Variants in ZNF234 observed in about 807,000 individuals in gnomAD.
ZNF234 encodes zinc finger protein 234.
A neutral mutation model predicts 10.3 loss-of-function variants in ZNF234; 4 were observed. The ratio of observed to expected loss-of-function variants is 0.39; its 90% CI spans 0.19 to 0.89. ZNF234 has a LOEUF of 0.89. Ranked by LOEUF, ZNF234 falls within the 40% of genes least tolerant of loss-of-function variation. The probability of loss-of-function intolerance (pLI) is 0.38; values close to 1 mark genes in which losing one functional copy is unlikely to be tolerated. For synonymous variants in ZNF234, 258 were observed against 280.1 expected, an observed-to-expected ratio of 0.92 and a Z score of 0.79; for missense variants, 711 against 836.1, an observed-to-expected ratio of 0.85 and a Z score of 1.85.
chr19:44,157,328 C>T lies in ZNF234; in HGVS notation c.1312C>T (p.Arg438Cys), dbSNP rs1050998717. Residue 438 changes from arginine (R) to cysteine (C), a missense_variant, in exon 6 of 6, where the codon CGT becomes TGT. Physicochemically the swap from Arg to Cys is radical, Grantham distance 180. Coordinates refer to ENST00000426739, the MANE Select transcript of ZNF234 (RefSeq NM_006630.3). ...ATGTGAAGTATGTGGTAAAGCCTTC[C>T]GTCAGAGTTCATATCTTAAAATCCA... Reference protein sequence around the residue: ...YKCEVCGKAFRQSSYLKIHLK... With the variant: ...YKCEVCGKAFCQSSYLKIHLK... The T allele has an allele frequency of 8.1e-6, 13 of 1,613,288 alleles. No homozygotes were observed. Among genetic ancestry groups the T allele is most frequent in the Non-Finnish European group, 7.6e-6 (9 of 1,179,688 alleles).
chr19:44,157,995 G>T lies in ZNF234; in HGVS notation c.1979G>T (p.Arg660Met), dbSNP rs1211071078. 14 of 1,613,972 alleles carry T rather than the reference G, an allele frequency of 8.7e-6. No individual in the cohort carries two copies. The highest frequency in any genetic ancestry group is 1.1e-5 in the Non-Finnish European group (13 of 1,179,896). Residue 660 changes from arginine (R) to methionine (M), a missense_variant, in exon 6 of 6, where the codon AGG (arginine) becomes ATG (methionine). Coordinates refer to ENST00000426739, the MANE Select transcript of ZNF234 (RefSeq NM_006630.3). ...TACAAATGTGAGATATGTGGTAAGA[G>T]GTTCAGCTGGCGATCAAATCTTGTA... ...KPYKCEICGK[R>M]FSWRSNLVSH...
chr19:44,148,986 T>C, intron 4 of ZNF234, 89 bp downstream of exon 4: 3 of 1,466,872 alleles, frequency 2.0e-6, no homozygotes, highest in Non-Finnish European at 2.7e-6. Context: ...GGTCTTGAAT[T>C]AGTCGCCTAC....
At chr19:44,152,430 T>G (rs1968765080) in intron 5 of ZNF234, among the ~76,000 whole-genome samples, 1 of 152,198 alleles carries the variant, frequency 6.6e-6, no homozygotes, top group South Asian at 2.1e-4. Context: ...CCAAAATGAA[T>G]GAAGGGGGTT....
intron 5 of ZNF234, among the ~76,000 whole-genome samples, chr19:44,154,628 CTTTTTTT>C (rs779013573): frequency 1.3e-4 from 13 of 102,450 alleles, no homozygotes; most frequent in East Asian, 5.9e-4. Flanking sequence ...TTCTCTTTTT[CTTTTTTT>C]TTTTTTTTTT....
chr19:44,151,047 A>T (rs1309435826), intron 5 of ZNF234, among the ~76,000 whole-genome samples: 2 of 147,420 alleles, frequency 1.4e-5, no homozygotes, highest in Non-Finnish European at 3.0e-5. Flanking sequence ...AAAAAAAAAT[A>T]CTCTGAATGG....
At position 44,142,695 on chromosome 19, in the gene ZNF234, C is replaced by T. The variant is rs904651706; in HGVS notation, c.-77+328C>T. 3.3e-5 allele frequency among the ~76,000 whole-genome samples: 5 copies of T among 152,158 alleles called. No homozygotes were observed. In the South Asian group the frequency reaches 6.2e-4, roughly 19 times the overall value. The stretch of plus-strand genomic sequence containing the variant: ...GAACTTGATTAAAGGACCTTAAGAG[C>T]AAGGCTAATTGCCTTGGAGTTTTCT... On this transcript the variant is annotated intron_variant, in intron 2 of 5. Transcript: ENST00000426739.
Position 44,148,728 on chromosome 19 carries a change from A to T in ZNF234, c.16-43A>T, listed in dbSNP as rs781575396. The T allele has an allele frequency of 7.5e-6, 12 of 1,610,322 alleles. No homozygotes were observed. The African/African-American group carries it at 1.5e-4, about 20-fold the overall frequency. ...TTTCTCAGTGCTGTTTCTTTTCAAGAGTTTGTTAAAAAGGCTGAAGTAAGG... is the reference window on the plus strand; with the variant it reads ...TTTCTCAGTGCTGTTTCTTTTCAAGTGTTTGTTAAAAAGGCTGAAGTAAGG... On this transcript the variant is annotated intron_variant, in intron 3 of 5. Transcript: ENST00000426739.
Position 44,159,072 on chromosome 19 carries a change from C to T in ZNF234, c.*953C>T, listed in dbSNP as rs915792451. ...ATATTAATATGATATTACTCTTTTA[C>T]AGTTGACACCTGTCCTCTCTGTAGT... On this transcript the variant is annotated 3_prime_UTR_variant, in exon 6 of 6. Transcript: ENST00000426739. 7.9e-5 allele frequency: 12 copies of T among 152,238 alleles called. No homozygotes were observed. The highest frequency in any genetic ancestry group is 2.0e-4 in the Admixed American group (3 of 15,282). The allele number at this position is 152,238 out of a possible 1,614,324, so 9.4% of individuals were successfully genotyped here. A position where few individuals can be genotyped will look rare whatever the true frequency, so the allele number is the denominator to read the frequency against.
At chr19:44,153,191 T>TATATATATATATATAC (rs1968791534) in intron 5 of ZNF234, among the ~76,000 whole-genome samples, 1 of 144,806 alleles carries the variant, frequency 6.9e-6, no homozygotes, top group South Asian at 2.2e-4. Context: ...TATATATATA[T>TATATATATATATATAC]GCGCCAAGAG....
At chr19:44,151,777 A>G (rs996831442) in intron 5 of ZNF234, among the ~76,000 whole-genome samples, 1 of 152,006 alleles carries the variant, frequency 6.6e-6, no homozygotes, top group Non-Finnish European at 1.5e-5. Flanking sequence ...CTATAGTTGC[A>G]TTTCCCTTTT....
At chr19:44,149,008 T>C (rs1968669985) in intron 4 of ZNF234, 111 bp downstream of exon 4, 2 of 1,309,646 alleles carry the variant, frequency 1.5e-6, no homozygotes, top group Non-Finnish European at 2.1e-6. Context: ...TTTGTAGACC[T>C]GACTTTCCTA....
At chr19:44,146,621 A>G (rs144169951) in intron 3 of ZNF234, among the ~76,000 whole-genome samples, 1 of 152,284 alleles carries the variant, frequency 6.6e-6, no homozygotes, top group East Asian at 1.9e-4. Context: ...TGGGGCAAAA[A>G]TATTTACCAC....
rs1229760462 is a variant in ZNF234 at position 44,158,013 on chromosome 19, A to G, written c.1997A>G (p.Asn666Ser). Residue 666 changes from asparagine to serine, a missense_variant, in exon 6 of 6, where the codon AAT (asparagine) becomes AGT (serine). Coordinates refer to ENST00000426739, the MANE Select transcript of ZNF234 (RefSeq NM_006630.3). ...GGTAAGAGGTTCAGCTGGCGATCAA[A>G]TCTTGTAAGTCATCACAAAATTCAT... ...ICGKRFSWRS[N>S]LVSHHKIHAA... 2 of 1,613,836 alleles carry G rather than the reference A, an allele frequency of 1.2e-6. No homozygotes were observed. Among genetic ancestry groups the G allele is most frequent in the Admixed American group, 1.7e-5 (1 of 59,996 alleles).
chr19:44,145,235 T>C (rs953933326), intron 3 of ZNF234, among the ~76,000 whole-genome samples: 4 of 152,234 alleles, frequency 2.6e-5, no homozygotes, highest in Admixed American at 2.6e-4. Context: ...ATTCATGATA[T>C]ATATCTCATT....
chr19:44,149,485 T>C (rs1285959693), intron 4 of ZNF234, among the ~76,000 whole-genome samples: 1 of 152,160 alleles, frequency 6.6e-6, no homozygotes, highest in Non-Finnish European at 1.5e-5. Context: ...ATTTTAGTAA[T>C]GCACCAAGAT....
chr19:44,154,567 T>A (rs1276514666), intron 5 of ZNF234, among the ~76,000 whole-genome samples: 1 of 151,918 alleles, frequency 6.6e-6, no homozygotes. Flanking sequence ...CAGAGTTATA[T>A]AGACACCATT....
At position 44,142,656 on chromosome 19, in the gene ZNF234, G is replaced by A. The variant is rs1968494447; in HGVS notation, c.-77+289G>A. ...CAGAGGAACTAGCTGTACTCAGGTG[G>A]GGAAAGTAAGTTAGAACTTGATTAA... On this transcript the variant is annotated intron_variant, in intron 2 of 5. Coordinates refer to ENST00000426739, the MANE Select transcript of ZNF234 (RefSeq NM_006630.3). Among the ~76,000 whole-genome samples the A allele has an allele frequency of 2.0e-5, 3 of 152,268 alleles. No homozygotes were observed. In the South Asian group the frequency reaches 6.2e-4, roughly 32 times the overall value.
chr19:44,145,660 G>A (rs749018701), intron 3 of ZNF234, among the ~76,000 whole-genome samples: 56 of 152,186 alleles, frequency 3.7e-4, no homozygotes, highest in Admixed American at 3.3e-3. Context: ...CCAAAGTGCC[G>A]GGATTACAGG....
intron 5 of ZNF234, among the ~76,000 whole-genome samples, chr19:44,152,541 G>T (rs1261332610): frequency 6.6e-6 from 1 of 152,186 alleles, no homozygotes; most frequent in East Asian, 1.9e-4. Flanking sequence ...CTCATACCAT[G>T]AAAACTTACA....
Sources: allele counts gnomAD v4.1 joint callset (sites outside exome capture counted in the v4.1 genomes callset), GRCh38; gene constraint gnomAD v4.1.1; transcripts MANE v1.5; gene names NCBI Gene and HGNC (gene_info 2026-07-23, HGNC 2026-07-21).